ISM1: variants seen among roughly 807,000 people sequenced by gnomAD.
The protein encoded by ISM1 is isthmin-1.
In ISM1, 25 loss-of-function variants were observed where a neutral mutation model predicts 46.3. The observed-to-expected ratio is 0.54, with a 90% CI of 0.39 to 0.75. The LOEUF is 0.75. Ranked by LOEUF, ISM1 falls within the 30% of genes least tolerant of loss-of-function variation. The probability of loss-of-function intolerance (pLI) is 0.00; values close to 1 mark genes in which losing one functional copy is unlikely to be tolerated. For synonymous variants in ISM1, 255 were observed against 256.7 expected (o/e 0.99, Z 0.06); for missense variants, 536 against 625.4 (o/e 0.86, Z 1.52).
the ISM1 span, among the ~76,000 whole-genome samples, chr20:13,314,099 A>C: frequency 2.0e-5 from 3 of 152,208 alleles, no homozygotes; most frequent in African/African-American, 7.2e-5. Context: ...AGAGAAAAAA[A>C]GACTGAAAGA....
chr20:13,324,978 T>C, the ISM1 span, among the ~76,000 whole-genome samples: 1 of 152,252 alleles, frequency 6.6e-6, no homozygotes, highest in African/African-American at 2.4e-5. Context: ...AATATTTGTT[T>C]CTTTTCGGCT....
chr20:13,230,785 G>A (rs2039580102), intron 1 of ISM1, among the ~76,000 whole-genome samples: 1 of 151,840 alleles, frequency 6.6e-6, no homozygotes. Flanking sequence ...ACCTCACTTT[G>A]CATTTTATTT....
chr20:13,278,193 G>C (rs1442470208), intron 2 of ISM1, among the ~76,000 whole-genome samples: 1 of 152,164 alleles, frequency 6.6e-6, no homozygotes, highest in East Asian at 1.9e-4. Context: ...TTTTAAACAA[G>C]TCTCTCTACG....
chr20:13,252,905 C>T (rs1335549816), intron 1 of ISM1, among the ~76,000 whole-genome samples: 1 of 152,224 alleles, frequency 6.6e-6, no homozygotes, highest in Non-Finnish European at 1.5e-5. Flanking sequence ...TTTCTCCTCT[C>T]TCTTAGGCCC....
At chr20:13,266,201 A>G (rs73901624) in intron 1 of ISM1, among the ~76,000 whole-genome samples, 1,981 of 152,328 alleles carry the variant, frequency 0.013, 41 homozygotes, top group African/African-American at 0.045. Context: ...AACACCAAGT[A>G]AGAAAAAGAG....
chr20:13,231,061 T>C (rs2039582828), intron 1 of ISM1, among the ~76,000 whole-genome samples: 1 of 152,138 alleles, frequency 6.6e-6, no homozygotes, highest in South Asian at 2.1e-4. Context: ...ATTTCTGGGG[T>C]CATCTCTCAA....
rs528932375 is a variant in ISM1, at chr20:13,295,669, G to A, written c.877+3206G>A. On this transcript the variant is annotated intron_variant, in intron 5 of 5. Transcript: ENST00000262487. ...GAGGAAGGCAGCAGGACTAGGCAGG[G>A]ACAGCTTTCAGATCGAGGTGCATGC... Among the ~76,000 whole-genome samples, 4 of 152,314 alleles carry A rather than the reference G, an allele frequency of 2.6e-5. No individual in the cohort carries two copies. In the South Asian group the frequency reaches 8.3e-4, roughly 32 times the overall value.
rs890310600 is a variant in ISM1, at chr20:13,222,888, C to A, written c.138+974C>A. Among the ~76,000 whole-genome samples the A allele has an allele frequency of 2.0e-5, 3 of 152,286 alleles. No homozygotes were observed. In the East Asian group the frequency reaches 5.8e-4, roughly 29 times the overall value. On this transcript the variant is annotated intron_variant, in intron 1 of 5. Transcript: ENST00000262487. ...GCTCCTAAAATCTGCTCAAACCAGG[C>A]GCGGTGGCTCACGCCTGTGATCCCA...
chr20:13,311,243 T>TAGATAGATGATAGATAGATA, the ISM1 span, among the ~76,000 whole-genome samples: 72 of 127,918 alleles, frequency 5.6e-4, no homozygotes, highest in Admixed American at 3.4e-3. Flanking sequence ...GATAGATAGA[T>TAGATAGATGATAGATAGATA]GATAGATAGA....
chr20:13,306,564 C>CAAAAAAAAAAAAAAAAAAAAGAAAAAAAA, the ISM1 span, among the ~76,000 whole-genome samples: 2 of 63,914 alleles, frequency 3.1e-5, no homozygotes, highest in Non-Finnish European at 2.6e-5. Flanking sequence ...GGAGAAAGGA[C>CAAAAAAAAAAAAAAAAAAAAGAAAAAAAA]AAAAAAAAAA....
chr20:13,243,552 G>A (rs540952375), intron 1 of ISM1, among the ~76,000 whole-genome samples: 11 of 152,044 alleles, frequency 7.2e-5, no homozygotes, highest in Non-Finnish European at 1.6e-4. Context: ...TCTTATTCCT[G>A]CTTGACCTCT....
intron 1 of ISM1, 31 bp downstream of exon 1, chr20:13,221,945 G>C: frequency 7.6e-7 from 1 of 1,311,422 alleles, no homozygotes; most frequent in Non-Finnish European, 9.7e-7. Flanking sequence ...GGCCGTGCGC[G>C]GCTGCGGGGA....
intron 5 of ISM1, 29 bp from the exon 6 acceptor site, chr20:13,298,913 T>C: frequency 6.2e-7 from 1 of 1,607,302 alleles, no homozygotes; most frequent in Non-Finnish European, 8.5e-7. Context: ...GTACACGCGG[T>C]GAGAGGGTTT....
At chr20:13,275,965 A>C (rs1342366465) in intron 2 of ISM1, among the ~76,000 whole-genome samples, 1 of 152,228 alleles carries the variant, frequency 6.6e-6, no homozygotes, top group East Asian at 1.9e-4. Flanking sequence ...GCGTGCTGCA[A>C]GTCTCAAAGC....
chr20:13,234,886 CT>C (rs960691090), intron 1 of ISM1, among the ~76,000 whole-genome samples: 17 of 152,064 alleles, frequency 1.1e-4, no homozygotes, highest in South Asian at 6.2e-4. Flanking sequence ...TTTTTTGCAT[CT>C]GATAGTTTGC....
Position 13,221,790 on chromosome 20 carries a change from C to T in ISM1, c.14C>T (p.Ala5Val), listed in dbSNP as rs1301553773. 1 of 1,451,306 alleles carries T rather than the reference C, an allele frequency of 6.9e-7. No individual in the cohort carries two copies. Among genetic ancestry groups the T allele is most frequent in the Non-Finnish European group, 9.0e-7 (1 of 1,107,208 alleles). The allele number at this position is 1,451,306 out of a possible 1,614,324, so 89.9% of individuals were successfully genotyped here. ...CGTCTCAAAAGGATGGTGCGCCTGGCGGCCGAGCTGCTGCTGCTGCTGGGG... is the reference window on the plus strand; with the variant it reads ...CGTCTCAAAAGGATGGTGCGCCTGGTGGCCGAGCTGCTGCTGCTGCTGGGG... Reference protein sequence around the residue: MVRLAAELLLLLGLL... With the variant: MVRLVAELLLLLGLL... Residue 5 changes from alanine to valine, a missense_variant, in exon 1 of 6, where the codon GCG (alanine) becomes GTG (valine). By Grantham distance (64) the Ala-to-Val change is moderately conservative. Transcript: ENST00000262487.
chr20:13,270,781 C>G (rs375165855), intron 2 of ISM1, 38 bp downstream of exon 2: 62 of 1,591,216 alleles, frequency 3.9e-5, no homozygotes, highest in Non-Finnish European at 5.3e-5. Flanking sequence ...GATAACAAAA[C>G]AGTCCATCTT....
At chr20:13,288,797 T>C in intron 4 of ISM1, 114 bp downstream of exon 4, 1 of 1,173,194 alleles carries the variant, frequency 8.5e-7, no homozygotes, top group Non-Finnish European at 1.2e-6. Flanking sequence ...TTTTCTTTTT[T>C]TTTTTGAGAC....
Position 13,299,802 on chromosome 20 carries a change from G to T in ISM1, c.*343G>T, listed in dbSNP as rs1464123545. ...AGAGTTTCAAAGAGAGGCAAAGGGG[G>T]AAAGAGACTGAGGTTGTAAACGTTA... On this transcript the variant is annotated 3_prime_UTR_variant, in exon 6 of 6. Coordinates refer to ENST00000262487, the MANE Select transcript of ISM1 (RefSeq NM_080826.2). The surrounding 1 kb of genome is among the most constrained non-coding windows in gnomAD (Gnocchi z 5.8). 1 of 229,572 alleles carries T rather than the reference G, an allele frequency of 4.4e-6. No homozygotes were observed. Among genetic ancestry groups the T allele is most frequent in the Admixed American group, 5.0e-5 (1 of 20,188 alleles). The allele number at this position is 229,572 out of a possible 1,614,324, so 14.2% of individuals were successfully genotyped here.
Sources: allele counts gnomAD v4.1 joint callset (sites outside exome capture counted in the v4.1 genomes callset), GRCh38; gene constraint gnomAD v4.1.1; non-coding constraint Gnocchi (gnomAD v3.1); transcripts MANE v1.5; gene names NCBI Gene and HGNC (gene_info 2026-07-23, HGNC 2026-07-21).